SLC6A11: variants seen among roughly 807,000 people sequenced by gnomAD.
SLC6A11 encodes sodium- and chloride-dependent GABA transporter 3.
In SLC6A11, 25 loss-of-function variants were observed where a neutral mutation model predicts 74.8. The observed-to-expected ratio is 0.33, with a 90% CI of 0.24 to 0.47. The LOEUF (loss-of-function observed/expected upper bound fraction) is 0.47. Ranked by LOEUF, SLC6A11 falls within the 20% of genes least tolerant of loss-of-function variation. SLC6A11 has a pLI of 1.00. For missense variants in SLC6A11, 574 were observed against 837.0 expected, an observed-to-expected ratio of 0.69 and a Z score of 3.88; for synonymous variants, 330 against 330.2, an observed-to-expected ratio of 1.00 and a Z score of 0.01.
chr3:10,840,307 G>A (rs1361833066), intron 4 of SLC6A11, among the ~76,000 whole-genome samples: 1 of 152,106 alleles, frequency 6.6e-6, no homozygotes, highest in African/African-American at 2.4e-5. Flanking sequence ...CCTTTCTCCT[G>A]CATATGCCCC....
In SLC6A11 at chr3:10,933,246, G is replaced by A; in HGVS notation, c.1467G>A (p.Trp489Ter). 6.2e-7 allele frequency: 1 copy of A among 1,612,670 alleles called. No homozygotes were observed. Among genetic ancestry groups the A allele is most frequent in the Non-Finnish European group, 8.5e-7 (1 of 1,178,754 alleles). Residue 489 changes from tryptophan to a stop codon, truncating the protein, a stop_gained, in exon 11 of 14, where the codon TGG (tryptophan) becomes TGA (stop). Coordinates refer to ENST00000254488, the MANE Select transcript of SLC6A11 (RefSeq NM_014229.3). LOFTEE classifies it high-confidence loss of function. ...VAIFECICIG[W>*]VYGSNRFYDN... ...TCTTTGAGTGCATCTGCATCGGCTG[G>A]GTGTATGGTGAGTAGCAGCCAAGCC...
intron 6 of SLC6A11, among the ~76,000 whole-genome samples, chr3:10,883,973 A>G (rs1695012952): frequency 6.6e-6 from 1 of 152,154 alleles, no homozygotes; most frequent in South Asian, 2.1e-4. Flanking sequence ...AGATCATCAC[A>G]CATGGCGCTT....
intron 4 of SLC6A11, among the ~76,000 whole-genome samples, chr3:10,842,882 T>A (rs1049176338): frequency 5.3e-5 from 8 of 152,134 alleles, no homozygotes; most frequent in African/African-American, 1.9e-4. Context: ...AGGGAGCCTG[T>A]AGATGAGTGC....
chr3:10,819,688 C>T (rs1482857064), intron 2 of SLC6A11, 24 bp from the exon 3 acceptor site: 1 of 1,612,036 alleles, frequency 6.2e-7, no homozygotes, highest in African/African-American at 1.3e-5. Flanking sequence ...GACTCAAATT[C>T]CTTCCTTTCT....
intron 6 of SLC6A11, among the ~76,000 whole-genome samples, chr3:10,904,795 A>G (rs767167754): frequency 3.3e-5 from 5 of 152,164 alleles, no homozygotes; most frequent in Non-Finnish European, 5.9e-5. Flanking sequence ...TCTGTAAAGT[A>G]TAGAGCCAGA....
intron 4 of SLC6A11, among the ~76,000 whole-genome samples, chr3:10,827,767 A>G (rs543796321): frequency 6.6e-6 from 1 of 152,276 alleles, no homozygotes; most frequent in South Asian, 2.1e-4. Context: ...ATTACCTTAA[A>G]ATCATCCACA....
intron 5 of SLC6A11, among the ~76,000 whole-genome samples, chr3:10,865,045 C>T (rs900603608): frequency 6.6e-6 from 1 of 152,212 alleles, no homozygotes; most frequent in Admixed American, 6.5e-5. Flanking sequence ...GTCTTGAACC[C>T]TCAGATATGT....
At position 10,940,282 on chromosome 3, in the gene SLC6A11, G is replaced by A. The variant is rs1437839488; in HGVS notation, c.*1880G>A. Reference sequence around the variant, plus strand: ...TGGGGCCCTGCTTGTGTTTATCCTCGGCTGCTGTCTTCCCAGCAGGCCCCA... The same window carrying A: ...TGGGGCCCTGCTTGTGTTTATCCTCAGCTGCTGTCTTCCCAGCAGGCCCCA... On this transcript the variant is annotated 3_prime_UTR_variant, in exon 14 of 14. Transcript: ENST00000254488. 1.3e-5 allele frequency: 2 copies of A among 152,134 alleles called. No individual in the cohort carries two copies. The highest frequency in any genetic ancestry group is 1.5e-5 in the Non-Finnish European group (1 of 68,048). 9.4% of individuals were successfully genotyped at this position (152,134 alleles called of 1,614,324 possible).
intron 6 of SLC6A11, among the ~76,000 whole-genome samples, chr3:10,875,878 G>A (rs140603467): frequency 8.8e-4 from 134 of 152,318 alleles, no homozygotes; most frequent in African/African-American, 3.2e-3. Flanking sequence ...AATTCCCAGA[G>A]CATAACCCAG....
At chr3:10,898,165 A>G (rs1235811763) in intron 6 of SLC6A11, among the ~76,000 whole-genome samples, 1 of 152,112 alleles carries the variant, frequency 6.6e-6, no homozygotes, top group Non-Finnish European at 1.5e-5. Flanking sequence ...ATTTTCTCCT[A>G]GGCCTCTGGG....
chr3:10,908,535 A>G (rs539004959), intron 6 of SLC6A11, among the ~76,000 whole-genome samples: 1 of 151,738 alleles, frequency 6.6e-6, no homozygotes, highest in Non-Finnish European at 1.5e-5. Context: ...TTTAAGCCCA[A>G]CATGCCCTCT....
At chr3:10,921,340 G>GA (rs1001505800) in intron 8 of SLC6A11, among the ~76,000 whole-genome samples, 1 of 152,216 alleles carries the variant, frequency 6.6e-6, no homozygotes, top group African/African-American at 2.4e-5. Flanking sequence ...TTTTAGGGCA[G>GA]AAAATGTCAG....
At position 10,819,567 on chromosome 3, in the gene SLC6A11, C is replaced by T. The variant is rs1265697282; in HGVS notation, c.359C>T (p.Thr120Met). ...LGQFTSEGGI[T>M]CWRKVCPLFE... is the part of the protein sequence containing the mutation. ...CAGTTCACAAGTGAAGGTGGCATTA[C>T]GTGTTGGAGGAAAGTTTGCCCTTTA... is the stretch of plus-strand genomic sequence containing the variant. Residue 120 changes from threonine to methionine, a missense_variant, in exon 2 of 14, where the codon ACG becomes ATG. Thr to Met is a moderately conservative substitution (Grantham distance 81, BLOSUM62 -1). Around this residue, in one of 4 missense-constraint regions of SLC6A11, gnomAD observed 215 missense variants for 357.9 expected, o/e 0.60. Coordinates refer to ENST00000254488, the MANE Select transcript of SLC6A11 (RefSeq NM_014229.3). The T allele has an allele frequency of 4.3e-6, 7 of 1,614,014 alleles. 1 individual carries two copies. The Admixed American group carries it at 8.3e-5, about 19-fold the overall frequency.
intron 11 of SLC6A11, 69 bp downstream of exon 11, chr3:10,933,322 T>C: frequency 1.0e-6 from 1 of 993,900 alleles, no homozygotes; most frequent in East Asian, 2.4e-5. Context: ...GTGCTTGGAC[T>C]CTGGTTGGCT....
intron 1 of SLC6A11, among the ~76,000 whole-genome samples, chr3:10,818,377 T>C (rs1310823486): frequency 6.6e-6 from 1 of 152,212 alleles, no homozygotes; most frequent in East Asian, 1.9e-4. Context: ...TCCACACTTT[T>C]TGCTTTCTAA....
intron 5 of SLC6A11, among the ~76,000 whole-genome samples, chr3:10,854,535 G>A (rs1694615350): frequency 6.6e-6 from 1 of 152,228 alleles, no homozygotes; most frequent in Admixed American, 6.5e-5. Context: ...GCCACAGGCA[G>A]GCGTTGTGCT....
chr3:10,923,226 G>A (rs1311273256), intron 8 of SLC6A11, among the ~76,000 whole-genome samples: 2 of 150,268 alleles, frequency 1.3e-5, no homozygotes, highest in Non-Finnish European at 3.0e-5. Context: ...CTCAGATCTT[G>A]GTTTCTAAAC....
At chr3:10,852,669 G>T (rs1049465000) in intron 5 of SLC6A11, among the ~76,000 whole-genome samples, 1 of 152,226 alleles carries the variant, frequency 6.6e-6, no homozygotes, top group Non-Finnish European at 1.5e-5. Flanking sequence ...GGCACTTGGC[G>T]CCTGTGCAGC....
chr3:10,828,027 T>C (rs2106574933), intron 4 of SLC6A11, among the ~76,000 whole-genome samples: 1 of 152,334 alleles, frequency 6.6e-6, no homozygotes, highest in African/African-American at 2.4e-5. Context: ...TTTCCCTTAG[T>C]AACCCATTAT....
Sources: allele counts gnomAD v4.1 joint callset (sites outside exome capture counted in the v4.1 genomes callset), GRCh38; gene constraint gnomAD v4.1.1; regional missense constraint gnomAD v4.1.1; transcripts MANE v1.5; gene names NCBI Gene and HGNC (gene_info 2026-07-23, HGNC 2026-07-21).